The following ZNF804A variants were observed in gnomAD, a reference collection of about 807,000 sequenced individuals.
The protein encoded by ZNF804A is zinc finger protein 804A.
Under a neutral mutation model 16.5 loss-of-function variants are expected in ZNF804A, and 2 were observed. That is an observed-to-expected ratio of 0.12 (90% CI 0.05 to 0.38). ZNF804A has a LOEUF of 0.38. Among genes scored for constraint, ZNF804A ranks in the 10% least tolerant of loss-of-function variants. The pLI is 0.99. For synonymous variants in ZNF804A, 534 were observed against 489.6 expected (o/e 1.09, Z -1.20); for missense variants, 1,473 against 1,390.7 (o/e 1.06, Z -0.94).
At chr2:184,666,938 T>C (rs552768344) in intron 1 of ZNF804A, among the ~76,000 whole-genome samples, 4 of 152,066 alleles carry the variant, frequency 2.6e-5, no homozygotes, top group African/African-American at 9.6e-5. Flanking sequence ...TCATGGAACA[T>C]AGTTTTTGTT....
Position 184,935,841 on chromosome 2 carries a change from A to C in ZNF804A, c.445A>C (p.Asn149His), listed in dbSNP as rs1685775208. ...STTVTVRENC[N>H]EISQRVVVDS... ...AACTGTTACTGTGAGAGAAAACTGTAATGAAATTTCCCAACGAGTTGTTGT... is the reference window on the plus strand; with the variant it reads ...AACTGTTACTGTGAGAGAAAACTGTCATGAAATTTCCCAACGAGTTGTTGT... The change falls in exon 4 of 4, where the codon AAT becomes CAT. Residue 149 changes from asparagine (N) to histidine (H), a missense_variant. Asn to His is a moderately conservative substitution (Grantham distance 68). Transcript: ENST00000302277. The C allele has an allele frequency of 6.2e-7, 1 of 1,613,506 alleles. No individual in the cohort carries two copies.
intron 2 of ZNF804A, among the ~76,000 whole-genome samples, chr2:184,886,296 C>A (rs1684889511): frequency 1.3e-5 from 2 of 152,336 alleles, no homozygotes; most frequent in Admixed American, 6.5e-5. Context: ...AGGTTGGTTA[C>A]CATGGTCTTG....
At chr2:184,626,252 A>G (rs1336467425) in intron 1 of ZNF804A, among the ~76,000 whole-genome samples, 1 of 152,198 alleles carries the variant, frequency 6.6e-6, no homozygotes, top group East Asian at 1.9e-4. Flanking sequence ...GTTTTGTTTA[A>G]TTAGTATTTT....
intron 1 of ZNF804A, among the ~76,000 whole-genome samples, chr2:184,696,699 T>C (rs1176714015): frequency 6.6e-6 from 1 of 152,146 alleles, no homozygotes; most frequent in Non-Finnish European, 1.5e-5. Context: ...TTCACAGAAA[T>C]CTGAAGTATG....
intron 1 of ZNF804A, among the ~76,000 whole-genome samples, chr2:184,611,580 A>G (rs912980938): frequency 6.6e-6 from 1 of 152,148 alleles, no homozygotes; most frequent in African/African-American, 2.4e-5. Context: ...ATTCTCTTCA[A>G]TAATAATTTT....
chr2:184,751,337 T>A (rs1221773898), intron 1 of ZNF804A, among the ~76,000 whole-genome samples: 1 of 151,436 alleles, frequency 6.6e-6, no homozygotes, highest in Non-Finnish European at 1.5e-5. Flanking sequence ...AAAACTTAAA[T>A]TGGGCTCTTA....
chr2:184,928,541 A>G (rs1010615266), intron 2 of ZNF804A, among the ~76,000 whole-genome samples: 4 of 152,116 alleles, frequency 2.6e-5, no homozygotes, highest in Non-Finnish European at 5.9e-5. Flanking sequence ...GTGCCCCTCC[A>G]GACCACTGGC....
intron 1 of ZNF804A, among the ~76,000 whole-genome samples, chr2:184,865,181 A>G (rs1258202009): frequency 6.6e-6 from 1 of 151,986 alleles, no homozygotes; most frequent in African/African-American, 2.4e-5. Context: ...CGCCAGGCCT[A>G]GTTATTCTGA....
chr2:184,626,153 C>T (rs537940815), intron 1 of ZNF804A, among the ~76,000 whole-genome samples: 4 of 152,316 alleles, frequency 2.6e-5, no homozygotes, highest in Admixed American at 2.6e-4. Context: ...CAGGCATGAG[C>T]CACCGCGCCC....
intron 1 of ZNF804A, among the ~76,000 whole-genome samples, chr2:184,740,119 G>A (rs1693691293): frequency 6.6e-6 from 1 of 152,062 alleles, no homozygotes; most frequent in African/African-American, 2.4e-5. Flanking sequence ...TATTTCAAGG[G>A]ACTCATAGTC....
At chr2:184,867,730 A>C (rs1318884996) in intron 2 of ZNF804A, among the ~76,000 whole-genome samples, 1 of 152,114 alleles carries the variant, frequency 6.6e-6, no homozygotes, top group Non-Finnish European at 1.5e-5. Flanking sequence ...TTTGAACATT[A>C]ACATTCATTA....
intron 1 of ZNF804A, among the ~76,000 whole-genome samples, chr2:184,703,689 CAAAAAAAAA>C (rs10593157): frequency 1.1e-4 from 6 of 56,458 alleles, no homozygotes; most frequent in South Asian, 6.2e-4. Context: ...GACTCCGGTT[CAAAAAAAAA>C]AAAAAAAAAA....
At chr2:184,793,215 A>G (rs1301849508) in intron 1 of ZNF804A, among the ~76,000 whole-genome samples, 1 of 152,080 alleles carries the variant, frequency 6.6e-6, no homozygotes, top group Non-Finnish European at 1.5e-5. Flanking sequence ...TGCTATTGTG[A>G]ATAGCACAGC....
chr2:184,866,304 C>T, intron 1 of ZNF804A, 65 bp from the exon 2 acceptor site: 6 of 1,516,728 alleles, frequency 4.0e-6, no homozygotes, highest in Non-Finnish European at 5.4e-6. Context: ...TAGTTGACAA[C>T]TGCTAAAACA....
chr2:184,632,036 G>T (rs138050311), intron 1 of ZNF804A, among the ~76,000 whole-genome samples: 3 of 152,012 alleles, frequency 2.0e-5, no homozygotes, highest in African/African-American at 7.2e-5. Flanking sequence ...GACTTAGAAA[G>T]AATATTAAGT....
At chr2:184,599,947 C>T (rs891625115) in intron 1 of ZNF804A, among the ~76,000 whole-genome samples, 1 of 152,032 alleles carries the variant, frequency 6.6e-6, no homozygotes, top group Non-Finnish European at 1.5e-5. Flanking sequence ...CTATACACCT[C>T]CATAAAGTAA....
At chr2:184,624,527 T>C (rs539773875) in intron 1 of ZNF804A, among the ~76,000 whole-genome samples, 2 of 152,296 alleles carry the variant, frequency 1.3e-5, no homozygotes, top group East Asian at 3.9e-4. Context: ...TGAGCATATG[T>C]GCCAAGTTGG....
At chr2:184,770,695 A>G (rs898696628) in intron 1 of ZNF804A, among the ~76,000 whole-genome samples, 1 of 152,070 alleles carries the variant, frequency 6.6e-6, no homozygotes, top group Non-Finnish European at 1.5e-5. Context: ...AAAGGCTAAT[A>G]TAATGTGATA....
intron 2 of ZNF804A, among the ~76,000 whole-genome samples, chr2:184,910,362 T>A (rs1437309834): frequency 6.6e-6 from 1 of 152,024 alleles, no homozygotes; most frequent in East Asian, 1.9e-4. Flanking sequence ...ATTTTCTCCA[T>A]CCAGTTCACT....
Sources: gnomAD v4.1 joint callset for allele counts (sites outside exome capture counted in the v4.1 genomes callset) on GRCh38, gnomAD v4.1.1 for gene constraint, MANE v1.5 for transcripts, NCBI Gene and HGNC (gene_info 2026-07-23, HGNC 2026-07-21) for gene names.